The following PDE1C variants were observed in gnomAD, a reference collection of about 807,000 sequenced individuals.
PDE1C encodes phosphodiesterase 1C.
Under a neutral mutation model 93.1 loss-of-function variants are expected in PDE1C, and 62 were observed. That is an observed-to-expected ratio of 0.67 (90% CI 0.54 to 0.82). PDE1C has a LOEUF of 0.82. Ranked by LOEUF, PDE1C falls within the 40% of genes least tolerant of loss-of-function variation. The pLI is 0.00. For synonymous variants in PDE1C, 325 were observed against 310.1 expected, an observed-to-expected ratio of 1.05 and a Z score of -0.50; for missense variants, 742 against 884.6, an observed-to-expected ratio of 0.84 and a Z score of 2.04.
chr7:31,899,562 T>A (rs1799725284), intron 2 of PDE1C, among the ~76,000 whole-genome samples: 1 of 152,160 alleles, frequency 6.6e-6, no homozygotes, highest in African/African-American at 2.4e-5. Context: ...TGTTATATAT[T>A]TTTAAAAAGC....
At chr7:32,034,294 G>A (rs556282216) in intron 2 of PDE1C, among the ~76,000 whole-genome samples, 1 of 152,024 alleles carries the variant, frequency 6.6e-6, no homozygotes, top group East Asian at 1.9e-4. Context: ...GGAGCTTCTG[G>A]TTACCCTCTC....
At chr7:32,384,156 A>G (rs1226095468) in intron 1 of PDE1C, among the ~76,000 whole-genome samples, 1 of 152,202 alleles carries the variant, frequency 6.6e-6, no homozygotes, top group Non-Finnish European at 1.5e-5. Context: ...GTATTTAACA[A>G]GCTTGTACTG....
intron 1 of PDE1C, among the ~76,000 whole-genome samples, chr7:32,343,158 A>G (rs946016211): frequency 3.3e-5 from 5 of 152,192 alleles, no homozygotes; most frequent in Non-Finnish European, 7.3e-5. Flanking sequence ...AAACAGGTCA[A>G]TTTAACCAGA....
At chr7:32,084,328 A>G (rs1436497716) in intron 3 of PDE1C, among the ~76,000 whole-genome samples, 1 of 151,312 alleles carries the variant, frequency 6.6e-6, no homozygotes, top group Non-Finnish European at 1.5e-5. Context: ...TGCACCCAAT[A>G]CAGGAGCACC....
At chr7:32,208,608 G>A (rs1369757033) in intron 2 of PDE1C, among the ~76,000 whole-genome samples, 1 of 152,196 alleles carries the variant, frequency 6.6e-6, no homozygotes, top group African/African-American at 2.4e-5. Flanking sequence ...AGCCAGTGAG[G>A]CAGTGATAAA....
chr7:31,715,342 G>A, the PDE1C span, among the ~76,000 whole-genome samples: 208 of 152,100 alleles, frequency 1.4e-3, 1 homozygote, highest in African/African-American at 4.1e-3. Flanking sequence ...AGATTCAAGC[G>A]ATTCTCCTGC....
intron 1 of PDE1C, among the ~76,000 whole-genome samples, chr7:32,385,873 G>A (rs1001742876): frequency 1.3e-5 from 2 of 152,130 alleles, no homozygotes; most frequent in Non-Finnish European, 2.9e-5. Flanking sequence ...AGAGGCACAA[G>A]GTTAGCAGAA....
intron 2 of PDE1C, among the ~76,000 whole-genome samples, chr7:31,994,150 C>T (rs1002366884): frequency 2.0e-5 from 3 of 152,116 alleles, no homozygotes; most frequent in Admixed American, 2.0e-4. Flanking sequence ...AAGCAACAAT[C>T]ACAATGTGTG....
chr7:32,258,354 G>A (rs1409838389), intron 1 of PDE1C, among the ~76,000 whole-genome samples: 1 of 152,214 alleles, frequency 6.6e-6, no homozygotes, highest in African/African-American at 2.4e-5. Flanking sequence ...ATGAAACTCT[G>A]CATTGGATCT....
At chr7:31,662,834 C>T in the PDE1C span, among the ~76,000 whole-genome samples, 2 of 152,144 alleles carry the variant, frequency 1.3e-5, no homozygotes, top group African/African-American at 2.4e-5. Flanking sequence ...TTTCCAAATT[C>T]CTCTAGGTGA....
chr7:32,420,569 G>C (rs979925956), intron 1 of PDE1C, among the ~76,000 whole-genome samples: 2 of 150,034 alleles, frequency 1.3e-5, no homozygotes, highest in Admixed American at 6.7e-5. Context: ...AAAAAGGGGG[G>C]GTGGTAATAA....
chr7:32,054,050 C>G (rs1212711622), intron 1 of PDE1C, among the ~76,000 whole-genome samples: 1 of 151,794 alleles, frequency 6.6e-6, no homozygotes, highest in African/African-American at 2.4e-5. Flanking sequence ...AGTGAGGTAG[C>G]AGGAAATAAG....
At chr7:31,660,970 T>G in the PDE1C span, among the ~76,000 whole-genome samples, 1 of 151,978 alleles carries the variant, frequency 6.6e-6, no homozygotes, top group Non-Finnish European at 1.5e-5. Context: ...AATAAAACAC[T>G]TAGAAATAAT....
chr7:32,236,098 A>T (rs1808056583), intron 1 of PDE1C, among the ~76,000 whole-genome samples: 1 of 152,178 alleles, frequency 6.6e-6, no homozygotes, highest in Non-Finnish European at 1.5e-5. Context: ...ACCAAAAAAA[A>T]TTAACCTAGA....
chr7:32,293,543 C>G (rs1812462421), intron 1 of PDE1C, among the ~76,000 whole-genome samples: 1 of 152,132 alleles, frequency 6.6e-6, no homozygotes, highest in Non-Finnish European at 1.5e-5. Flanking sequence ...TACCTTCACT[C>G]GATCCTCACC....
At chr7:31,901,395 C>A (rs1799963699) in intron 2 of PDE1C, among the ~76,000 whole-genome samples, 2 of 142,776 alleles carry the variant, frequency 1.4e-5, no homozygotes, top group African/African-American at 4.9e-5. Context: ...AATATAACAG[C>A]CAAAGTATAT....
chr7:31,700,017 C>T, the PDE1C span, among the ~76,000 whole-genome samples: 5,068 of 152,084 alleles, frequency 0.033, 277 homozygotes, highest in African/African-American at 0.11. Flanking sequence ...TGAAATAAGG[C>T]CAATCAATAA....
Position 32,324,420 on chromosome 7 carries a change from C to T in PDE1C, c.310+103402G>A, listed in dbSNP as rs535287724. Among the ~76,000 whole-genome samples the T allele has an allele frequency of 1.0e-3, 157 of 152,336 alleles. 1 individual carries two copies. The highest frequency in any genetic ancestry group is 1.6e-3 in the Non-Finnish European group (110 of 68,028). ...GGACCCCACTTACCCTAGCAACAAG[C>T]TTTGTTTTCCAACTCCTTTAAGCAC... On this transcript the variant is annotated intron_variant, in intron 1 of 1. Coordinates refer to the PDE1C transcript ENST00000672256.
chr7:32,357,518 C>T (rs1292237020), intron 1 of PDE1C, among the ~76,000 whole-genome samples: 4 of 152,186 alleles, frequency 2.6e-5, no homozygotes. Flanking sequence ...GGAAACTCAA[C>T]TAATGGACTT....
Sources: gnomAD v4.1 joint callset for allele counts (sites outside exome capture counted in the v4.1 genomes callset) on GRCh38, gnomAD v4.1.1 for gene constraint, MANE v1.5 for transcripts, NCBI Gene and HGNC (gene_info 2026-07-23, HGNC 2026-07-21) for gene names.